Variants in MLLT1 observed in about 807,000 individuals in gnomAD.
MLLT1 encodes MLLT1 super elongation complex subunit, also known as protein ENL.
In MLLT1, 11 loss-of-function variants were observed where a neutral mutation model predicts 55.1. That is an observed-to-expected ratio of 0.20 (90% confidence interval 0.13 to 0.33). The LOEUF (loss-of-function observed/expected upper bound fraction) is 0.33. Among genes scored for constraint, MLLT1 ranks in the 10% least tolerant of loss-of-function variants. The pLI, the probability that MLLT1 is intolerant of heterozygous loss-of-function variation, is 1.00. For missense variants in MLLT1, 536 were observed against 760.6 expected (o/e 0.70, Z 3.47); for synonymous variants, 323 against 320.1 (o/e 1.01, Z -0.10).
At chr19:6,272,941 G>A (rs7258848) in intron 1 of MLLT1, among the ~76,000 whole-genome samples, 41,646 of 152,178 alleles carry the variant, frequency 0.27, 6,798 homozygotes, top group African/African-American at 0.45. Context: ...TGATACAGAT[G>A]TACAATTTTT....
rs1438296472 is a variant in MLLT1, at chr19:6,270,895, C to T, written c.13-136G>A. The T allele has an allele frequency of 4.8e-5, 40 of 830,622 alleles. No homozygotes were observed. Among genetic ancestry groups the T allele is most frequent in the Non-Finnish European group, 6.9e-5 (38 of 554,742 alleles). The allele number at this position is 830,622 out of a possible 1,614,324, so 51.5% of individuals were successfully genotyped here. ...CTCAACCCAGTGAGCAGCACACAGA[C>T]GGCTTCCTATCGCGCCAGCACCTTG... On this transcript the variant is annotated intron_variant, in intron 1 of 11. Transcript: ENST00000252674. This position sits in a 1 kb window ranked among gnomAD's most constrained non-coding sequence, Gnocchi z 7.1.
chr19:6,214,696 G>C (rs147668501), intron 8 of MLLT1, among the ~76,000 whole-genome samples: 2 of 152,266 alleles, frequency 1.3e-5, no homozygotes, highest in African/African-American at 2.4e-5. Context: ...CTCACTCTGC[G>C]TGCCTGGGGT....
intron 1 of MLLT1, among the ~76,000 whole-genome samples, chr19:6,272,803 T>C (rs2091405766): frequency 6.6e-6 from 1 of 152,196 alleles, no homozygotes; most frequent in Non-Finnish European, 1.5e-5. Flanking sequence ...GACAGGCCAG[T>C]TCCAGCATGT....
At chr19:6,247,323 T>G (rs2091177921) in intron 3 of MLLT1, among the ~76,000 whole-genome samples, 1 of 152,120 alleles carries the variant, frequency 6.6e-6, no homozygotes, top group Non-Finnish European at 1.5e-5. Context: ...CTAAGGCTCC[T>G]GGGAGCAGCG....
chr19:6,225,680 TGG>T (rs774229177), intron 5 of MLLT1, among the ~76,000 whole-genome samples: 1 of 152,080 alleles, frequency 6.6e-6, no homozygotes, highest in Non-Finnish European at 1.5e-5. Context: ...CTAAGCCTGG[TGG>T]ATAAACTCAC....
chr19:6,213,911 A>C (rs757209398), intron 9 of MLLT1, 28 bp downstream of exon 9: 13 of 1,462,354 alleles, frequency 8.9e-6, no homozygotes, highest in Admixed American at 4.5e-5. Context: ...CCTCTGGTGC[A>C]CCCCCTGCCT....
At chr19:6,218,264 T>C (rs1283040800) in intron 6 of MLLT1, among the ~76,000 whole-genome samples, 1 of 152,172 alleles carries the variant, frequency 6.6e-6, no homozygotes, top group Admixed American at 6.5e-5. Flanking sequence ...AGGACACCCG[T>C]GGATGTCTGG....
chr19:6,234,030 G>C (rs989006099), intron 3 of MLLT1, among the ~76,000 whole-genome samples: 4 of 152,212 alleles, frequency 2.6e-5, no homozygotes, highest in Non-Finnish European at 4.4e-5. Context: ...AGACTGGAGG[G>C]GGGATGGTCC....
Position 6,212,742 on chromosome 19 carries a change from A to G in MLLT1, c.*300T>C. 8.8e-7 allele frequency: 1 copy of G among 1,130,238 alleles called. No individual in the cohort carries two copies. Among genetic ancestry groups the G allele is most frequent in the Non-Finnish European group, 1.1e-6 (1 of 902,848 alleles). 70.0% of individuals were successfully genotyped at this position (1,130,238 alleles called of 1,614,324 possible). ...TGGGGGCTGGTCCCAAGGCTGGGCG[A>G]GGGGCCCCCGGCCCTGTCTCTGCCC... On this transcript the variant is annotated 3_prime_UTR_variant, in exon 12 of 12. Transcript: ENST00000252674.
At position 6,227,200 on chromosome 19, in the gene MLLT1, G is replaced by T; in HGVS notation, c.421-98C>A. ...GGTGGGGCTTCCCTCTGCAGGAGGG[G>T]AGAAGGGAGAGCCTGAGCGCTTTCC... On this transcript the variant is annotated intron_variant, in intron 4 of 11. Coordinates refer to ENST00000252674, the MANE Select transcript of MLLT1 (RefSeq NM_005934.4). This position sits in a 1 kb window ranked among gnomAD's most constrained non-coding sequence, Gnocchi z 5.1. 1 of 1,270,404 alleles carries T rather than the reference G, an allele frequency of 7.9e-7. No individual in the cohort carries two copies. Among genetic ancestry groups the T allele is most frequent in the Non-Finnish European group, 1.1e-6 (1 of 926,486 alleles). 78.7% of individuals were successfully genotyped at this position (1,270,404 alleles called of 1,614,324 possible).
At chr19:6,213,672 T>TTCCC in intron 10 of MLLT1, 54 bp downstream of exon 10, 2 of 1,075,338 alleles carry the variant, frequency 1.9e-6, no homozygotes, top group Admixed American at 1.9e-5. Context: ...TGGCTGCAAC[T>TTCCC]CCCACCACCC....
chr19:6,228,748 G>A (rs921242719), intron 4 of MLLT1, among the ~76,000 whole-genome samples: 5 of 152,126 alleles, frequency 3.3e-5, no homozygotes, highest in Admixed American at 2.6e-4. Context: ...CGAGGCCTCC[G>A]GCTGCTCCTA....
Position 6,256,220 on chromosome 19 carries a change from G to GATAAATAAATAAATAAATAA in MLLT1, c.276+5988_276+6007dup, listed in dbSNP as rs200816706. Among the ~76,000 whole-genome samples the GATAAATAAATAAATAAATAA allele has an allele frequency of 1.1e-4, 15 of 142,048 alleles. No individual in the cohort carries two copies. Among genetic ancestry groups the GATAAATAAATAAATAAATAA allele is most frequent in the African/African-American group, 3.5e-4 (13 of 36,724 alleles). The allele number at this position is 142,048 out of a possible 152,430, so 93.2% of individuals were successfully genotyped here. Reference sequence around the variant, plus strand: ...CAAGAGCGAAACTCTGTCTCAAAAAGATAAATAAATAAATAAATAAATAAA... The same window carrying GATAAATAAATAAATAAATAA: ...CAAGAGCGAAACTCTGTCTCAAAAAGATAAATAAATAAATAAATAAATAAATAAATAAATAAATAAATAAA... On this transcript the variant is annotated intron_variant, in intron 3 of 11. Coordinates refer to ENST00000252674, the MANE Select transcript of MLLT1 (RefSeq NM_005934.4). The surrounding 1 kb of genome is among the most constrained non-coding windows in gnomAD (Gnocchi z 4.1).
chr19:6,237,074 G>A (rs1568283786), intron 3 of MLLT1, among the ~76,000 whole-genome samples: 2 of 152,248 alleles, frequency 1.3e-5, no homozygotes, highest in East Asian at 1.9e-4. Flanking sequence ...ACCATCCCGT[G>A]CCCGGGGTGG....
intron 11 of MLLT1, 35 bp from the exon 12 acceptor site, chr19:6,213,205 G>A: frequency 1.2e-6 from 2 of 1,613,602 alleles, no homozygotes; most frequent in Non-Finnish European, 1.7e-6. Context: ...CAGGGGCAGG[G>A]GGCCAAGGGT....
In MLLT1 at chr19:6,226,225, C is replaced by G. The variant is rs946486049; in HGVS notation, c.546+752G>C. On this transcript the variant is annotated intron_variant, in intron 5 of 11. Transcript: ENST00000252674. This position sits in a 1 kb window ranked among gnomAD's most constrained non-coding sequence, Gnocchi z 6.3. ...GGAGAGATGTGTGGGTGGCAGGCAC[C>G]GGGCAGCTGCCCCGAGGGCCCGTGC... Among the ~76,000 whole-genome samples, 3 of 152,192 alleles carry G rather than the reference C, an allele frequency of 2.0e-5. No individual in the cohort carries two copies. Among genetic ancestry groups the G allele is most frequent in the Non-Finnish European group, 4.4e-5 (3 of 68,034 alleles).
chr19:6,265,038 CAA>C (rs928827048), intron 2 of MLLT1, among the ~76,000 whole-genome samples: 1 of 21,218 alleles, frequency 4.7e-5, no homozygotes, highest in East Asian at 8.3e-4. Flanking sequence ...TAGTGAACAG[CAA>C]AAAAAAAACA....
intron 3 of MLLT1, among the ~76,000 whole-genome samples, chr19:6,260,017 A>C (rs1424202579): frequency 6.6e-6 from 1 of 152,176 alleles, no homozygotes; most frequent in African/African-American, 2.4e-5. Context: ...AAGGGCACCG[A>C]GGGAGCTGGC....
intron 2 of MLLT1, among the ~76,000 whole-genome samples, chr19:6,266,912 G>A (rs1054395068): frequency 4.6e-5 from 7 of 152,210 alleles, no homozygotes; most frequent in African/African-American, 1.2e-4. Flanking sequence ...ATAAGAGTCC[G>A]TTGTGATTAG....
Sources: gnomAD v4.1 joint callset for allele counts (sites outside exome capture counted in the v4.1 genomes callset) on GRCh38, gnomAD v4.1.1 for gene constraint, Gnocchi (gnomAD v3.1) non-coding constraint, MANE v1.5 for transcripts, NCBI Gene and HGNC (gene_info 2026-07-23, HGNC 2026-07-21) for gene names.